FNIP2: variants seen among roughly 807,000 people sequenced by gnomAD.
The protein encoded by FNIP2 is folliculin-interacting protein 2.
Under a neutral mutation model 108.7 loss-of-function variants are expected in FNIP2, and 32 were observed. The observed-to-expected ratio is 0.29, with a 90% CI of 0.22 to 0.40. The LOEUF is 0.40. Ranked by LOEUF, FNIP2 falls within the 10% of genes least tolerant of loss-of-function variation. FNIP2 has a pLI of 1.00. For missense variants in FNIP2, 1,202 were observed against 1,381.6 expected, an observed-to-expected ratio of 0.87 and a Z score of 2.06; for synonymous variants, 480 against 496.7, an observed-to-expected ratio of 0.97 and a Z score of 0.45.
chr4:158,846,821 AT>A (rs1173273049), intron 7 of FNIP2, among the ~76,000 whole-genome samples: 4 of 152,216 alleles, frequency 2.6e-5, no homozygotes, highest in African/African-American at 7.2e-5. Context: ...ACACAAAAAA[AT>A]AACTTCATAA....
At chr4:158,875,979 A>ATG (rs780256092) in intron 14 of FNIP2, among the ~76,000 whole-genome samples, 3 of 152,232 alleles carry the variant, frequency 2.0e-5, no homozygotes, top group African/African-American at 7.2e-5. Flanking sequence ...CCTTTGTATT[A>ATG]TGTGTGTGTG....
At chr4:158,900,896 T>C (rs1729173708) in intron 16 of FNIP2, among the ~76,000 whole-genome samples, 1 of 152,230 alleles carries the variant, frequency 6.6e-6, no homozygotes, top group Admixed American at 6.5e-5. Context: ...GTTGGTTTTT[T>C]TGCCCGTTAG....
At chr4:158,833,090 T>TTC (rs1778572533) in intron 5 of FNIP2, among the ~76,000 whole-genome samples, 2 of 152,244 alleles carry the variant, frequency 1.3e-5, no homozygotes, top group Admixed American at 6.5e-5. Context: ...GTTGCTGAAT[T>TTC]GCTCATTGAT....
chr4:158,818,136 T>C (rs1777678089), intron 1 of FNIP2, among the ~76,000 whole-genome samples: 1 of 152,370 alleles, frequency 6.6e-6, no homozygotes, highest in Admixed American at 6.5e-5. Context: ...TCCTTGTTCA[T>C]AGCACCCAAA....
At chr4:158,786,010 A>T (rs1168226316) in intron 1 of FNIP2, among the ~76,000 whole-genome samples, 2 of 151,970 alleles carry the variant, frequency 1.3e-5, no homozygotes, top group Non-Finnish European at 2.9e-5. Context: ...TTTTGCCTAA[A>T]CCAATCTGAC....
chr4:158,864,067 T>TC (rs1245903711), intron 12 of FNIP2, among the ~76,000 whole-genome samples: 1 of 152,180 alleles, frequency 6.6e-6, no homozygotes, highest in Non-Finnish European at 1.5e-5. Flanking sequence ...AGAGTCTCGC[T>TC]CTGTCACCCA....
At chr4:158,841,136 C>A (rs1453269621) in intron 7 of FNIP2, among the ~76,000 whole-genome samples, 2 of 152,096 alleles carry the variant, frequency 1.3e-5, no homozygotes, top group Non-Finnish European at 2.9e-5. Context: ...TTATTACTCA[C>A]ATAATGAGGC....
chr4:158,823,123 G>A (rs1394814090), intron 1 of FNIP2, among the ~76,000 whole-genome samples: 8 of 152,070 alleles, frequency 5.3e-5, no homozygotes, highest in Admixed American at 5.2e-4. Context: ...TGCTGTCTTG[G>A]CAAAATGTAA....
intron 16 of FNIP2, among the ~76,000 whole-genome samples, chr4:158,904,195 G>A (rs995878207): frequency 6.6e-6 from 1 of 152,120 alleles, no homozygotes; most frequent in Admixed American, 6.6e-5. Context: ...GGTGACCCCT[G>A]CCAAGGGAAA....
chr4:158,894,710 CTTGT>C (rs1219680519), intron 15 of FNIP2, among the ~76,000 whole-genome samples: 2 of 152,118 alleles, frequency 1.3e-5, no homozygotes, highest in African/African-American at 4.8e-5. Flanking sequence ...CTTTTACCAC[CTTGT>C]TTACTTGGAG....
At chr4:158,833,236 A>G (rs1361575424) in intron 5 of FNIP2, among the ~76,000 whole-genome samples, 1 of 152,218 alleles carries the variant, frequency 6.6e-6, no homozygotes, top group Non-Finnish European at 1.5e-5. Context: ...CAGTCACTGA[A>G]GCAAAATTTA....
At chr4:158,806,318 A>G in intron 1 of FNIP2, 1 of 1,289,400 alleles carries the variant, frequency 7.8e-7, no homozygotes, top group Non-Finnish European at 1.0e-6. Flanking sequence ...TGTGTGAGTG[A>G]TGCTGTTCCT....
chr4:158,825,981 G>A lies in FNIP2; in HGVS notation c.173G>A (p.Arg58Lys), dbSNP rs369263174. ...ATAGTTTACCAGGACTGTGACAGGA[G>A]AGGCAGACAAGTCTTGTTTGACTCT... is the stretch of plus-strand genomic sequence containing the variant. ...RLIVYQDCDR[R>K]GRQVLFDSKA... The change falls in exon 2 of 17, where the codon AGA (arginine) becomes AAA (lysine). Residue 58 changes from arginine (R) to lysine (K), a missense_variant. Coordinates refer to ENST00000264433, the MANE Select transcript of FNIP2 (RefSeq NM_020840.3). 6.2e-7 allele frequency: 1 copy of A among 1,609,356 alleles called. No individual in the cohort carries two copies. Among genetic ancestry groups the A allele is most frequent in the Non-Finnish European group, 8.5e-7 (1 of 1,176,114 alleles).
At chr4:158,812,390 C>G (rs139249100) in intron 1 of FNIP2, among the ~76,000 whole-genome samples, 1 of 152,144 alleles carries the variant, frequency 6.6e-6, no homozygotes, top group East Asian at 1.9e-4. Flanking sequence ...TTCTGCTGAA[C>G]AGGGACAGAC....
intron 8 of FNIP2, among the ~76,000 whole-genome samples, chr4:158,853,923 A>G (rs940794434): frequency 2.6e-5 from 4 of 152,218 alleles, no homozygotes; most frequent in African/African-American, 7.2e-5. Context: ...AAGCCTGTTT[A>G]TGCATTCTAT....
At chr4:158,783,176 T>C (rs772323180) in intron 1 of FNIP2, among the ~76,000 whole-genome samples, 2 of 152,230 alleles carry the variant, frequency 1.3e-5, no homozygotes, top group Non-Finnish European at 2.9e-5. Context: ...GCATGCTTAA[T>C]GCTATTTAAG....
intron 16 of FNIP2, among the ~76,000 whole-genome samples, chr4:158,902,372 G>A (rs1729389076): frequency 1.3e-5 from 2 of 152,120 alleles, no homozygotes; most frequent in South Asian, 4.1e-4. Flanking sequence ...CGTCCCAGAG[G>A]GGCACCCACC....
chr4:158,899,510 T>TA (rs540106987), intron 16 of FNIP2, among the ~76,000 whole-genome samples: 258 of 152,382 alleles, frequency 1.7e-3, no homozygotes, highest in African/African-American at 5.8e-3. Flanking sequence ...GGCTATTAAT[T>TA]ACTGCCTCAA....
At chr4:158,828,955 AG>A in intron 2 of FNIP2, 123 bp from the exon 3 acceptor site, 1 of 756,462 alleles carries the variant, frequency 1.3e-6, no homozygotes, top group South Asian at 2.4e-5. Flanking sequence ...GAAAAAAAAA[AG>A]CTTCTGTTTT....
Sources: allele counts gnomAD v4.1 joint callset (sites outside exome capture counted in the v4.1 genomes callset), GRCh38; gene constraint gnomAD v4.1.1; transcripts MANE v1.5; gene names NCBI Gene and HGNC (gene_info 2026-07-23, HGNC 2026-07-21).